Variants in SWAP70 observed in about 807,000 individuals in gnomAD.
SWAP70 encodes switch-associated protein 70.
SWAP70 carries 34 observed loss-of-function variants against 80.2 expected under a neutral mutation model. The observed-to-expected ratio is 0.42, with a 90% CI of 0.32 to 0.56. SWAP70 has a LOEUF of 0.56. SWAP70 is among the 20% of genes least tolerant of loss of function. The pLI is 0.09. For synonymous variants in SWAP70, 239 were observed against 238.5 expected, an observed-to-expected ratio of 1.00 and a Z score of -0.02; for missense variants, 578 against 690.7, an observed-to-expected ratio of 0.84 and a Z score of 1.83.
intron 1 of SWAP70, among the ~76,000 whole-genome samples, chr11:9,670,974 C>G (rs1024729070): frequency 6.7e-6 from 1 of 150,162 alleles, no homozygotes; most frequent in East Asian, 1.9e-4. Context: ...AGGCTGGTCT[C>G]GAACTCCTGA....
At chr11:9,690,541 G>A (rs1850685581) in intron 1 of SWAP70, among the ~76,000 whole-genome samples, 1 of 152,056 alleles carries the variant, frequency 6.6e-6, no homozygotes, top group Non-Finnish European at 1.5e-5. Flanking sequence ...TTGCACTCCA[G>A]CCTGGGTGAC....
chr11:9,726,570 A>C (rs1415758024), intron 4 of SWAP70, among the ~76,000 whole-genome samples: 2 of 152,194 alleles, frequency 1.3e-5, no homozygotes, highest in African/African-American at 4.8e-5. Context: ...CTTTTGCTTA[A>C]ATGTCCAAAG....
intron 9 of SWAP70, among the ~76,000 whole-genome samples, chr11:9,744,517 C>T (rs911828992): frequency 6.6e-6 from 1 of 152,290 alleles, no homozygotes; most frequent in African/African-American, 2.4e-5. Flanking sequence ...GTCACCCTTT[C>T]TGCTATGAAG....
intron 6 of SWAP70, among the ~76,000 whole-genome samples, chr11:9,731,051 T>C (rs1178929798): frequency 1.3e-5 from 2 of 152,228 alleles, no homozygotes; most frequent in African/African-American, 4.8e-5. Context: ...CTGTTCTGCG[T>C]TAATTTGCTT....
intron 1 of SWAP70, among the ~76,000 whole-genome samples, chr11:9,679,577 TTAG>T (rs1565113187): frequency 6.6e-6 from 1 of 152,192 alleles, no homozygotes; most frequent in African/African-American, 2.4e-5. Context: ...CAGCAGACAA[TTAG>T]TAGATCAGAC....
intron 2 of SWAP70, among the ~76,000 whole-genome samples, chr11:9,711,896 C>CA (rs532565474): frequency 1.3e-3 from 199 of 152,266 alleles, no homozygotes; most frequent in African/African-American, 4.3e-3. Flanking sequence ...TTAGTTATAC[C>CA]ACCCTCCAGC....
chr11:9,699,008 GA>G (rs1412647693), intron 2 of SWAP70, among the ~76,000 whole-genome samples: 1 of 144,768 alleles, frequency 6.9e-6, no homozygotes, highest in African/African-American at 2.8e-5. Flanking sequence ...CTTTAATTCG[GA>G]AAAAAAGGAA....
At chr11:9,710,544 T>C (rs555092614) in intron 2 of SWAP70, among the ~76,000 whole-genome samples, 1 of 152,184 alleles carries the variant, frequency 6.6e-6, no homozygotes, top group East Asian at 1.9e-4. Flanking sequence ...TTTTTTCATA[T>C]AGTGAAAAAA....
rs1176539056 is a variant in SWAP70, at chr11:9,671,674, A to AC, written c.99+7396_99+7397insC. Among the ~76,000 whole-genome samples the AC allele has an allele frequency of 2.9e-4, 32 of 110,364 alleles. 2 individuals are homozygous for AC. The highest frequency in any genetic ancestry group is 4.3e-4 in the Non-Finnish European group (26 of 59,978). 72.4% of individuals were successfully genotyped at this position (110,364 alleles called of 152,430 possible). ...AATATATTTCTATATAAATATATAT[A>AC]AATAGAAATATATAAATATATTTCT... is the stretch of plus-strand genomic sequence containing the variant. On this transcript the variant is annotated intron_variant, in intron 1 of 11. Transcript: ENST00000318950.
At chr11:9,677,390 A>G (rs1590012167) in intron 1 of SWAP70, among the ~76,000 whole-genome samples, 1 of 152,280 alleles carries the variant, frequency 6.6e-6, no homozygotes, top group Middle Eastern at 3.4e-3. Context: ...AGCTTTTTTA[A>G]TATCTCATAT....
At chr11:9,737,354 C>A (rs1324275443) in intron 7 of SWAP70, among the ~76,000 whole-genome samples, 1 of 152,150 alleles carries the variant, frequency 6.6e-6, no homozygotes, top group Non-Finnish European at 1.5e-5. Context: ...CCTCACGATT[C>A]TTACTGAGAG....
chr11:9,725,557 A>T (rs1564829493), intron 4 of SWAP70, among the ~76,000 whole-genome samples: 2 of 10,278 alleles, frequency 1.9e-4, no homozygotes, highest in African/African-American at 6.4e-4. Flanking sequence ...ATATATATAT[A>T]TATATATATA....
rs1041152247 is a variant in SWAP70 at position 9,672,090 on chromosome 11, TA to T, written c.99+7815del. ...TAAAATATATAATTAAATAATAATT[TA>T]AATATAATTATAATATAATATAATT... On this transcript the variant is annotated intron_variant, in intron 1 of 11. Transcript: ENST00000318950. 6.8e-3 allele frequency among the ~76,000 whole-genome samples: 870 copies of T among 128,878 alleles called. 4 individuals are homozygous for T. The highest frequency in any genetic ancestry group is 0.038 in the Middle Eastern group (8 of 210). The allele number at this position is 128,878 out of a possible 152,430, so 84.5% of individuals were successfully genotyped here.
chr11:9,748,015 C>G lies in SWAP70; in HGVS notation c.1513C>G (p.Gln505Glu), dbSNP rs415895. 1,024,304 of 1,613,856 alleles carry G rather than the reference C, an allele frequency of 0.63. 328,350 individuals carry two copies. The highest frequency in any genetic ancestry group is 0.73 in the Middle Eastern group (4,411 of 6,062). Residue 505 changes from glutamine to glutamate, a missense_variant, in exon 10 of 12, where the codon CAG (glutamine) becomes GAG (glutamate). Gln to Glu is a conservative substitution (Grantham distance 29). Transcript: ENST00000318950. ...GCAGGAGGCCATGGAGCAGCTGGAG[C>G]AGCTTGAGTTAGAACGGAAGCAAGC... The part of the protein sequence containing the change: ...ALQEAMEQLE[Q>E]LELERKQALE...
At position 9,678,082 on chromosome 11, in the gene SWAP70, C is replaced by T. The variant is rs542301483; in HGVS notation, c.99+13804C>T. On this transcript the variant is annotated intron_variant, in intron 1 of 11. Coordinates refer to ENST00000318950, the MANE Select transcript of SWAP70 (RefSeq NM_015055.4). ...TGAGACAGGGTTTTTATTTGTGGAA[C>T]ACAATATACAAATGTAGTTAATTCT... 2.5e-3 allele frequency among the ~76,000 whole-genome samples: 377 copies of T among 152,266 alleles called. 1 individual carries two copies. Among genetic ancestry groups the T allele is most frequent in the African/African-American group, 8.7e-3 (361 of 41,560 alleles).
At chr11:9,683,149 C>T (rs1850588850) in intron 1 of SWAP70, among the ~76,000 whole-genome samples, 1 of 152,148 alleles carries the variant, frequency 6.6e-6, no homozygotes, top group South Asian at 2.1e-4. Flanking sequence ...CCTGTAATTC[C>T]AGCACTTGTG....
At chr11:9,689,836 T>C (rs1291504861) in intron 1 of SWAP70, among the ~76,000 whole-genome samples, 3 of 152,210 alleles carry the variant, frequency 2.0e-5, no homozygotes, top group African/African-American at 7.2e-5. Flanking sequence ...TTGGCTCTGC[T>C]GAATAGTGCC....
chr11:9,720,101 A>G (rs1851116019), intron 3 of SWAP70: 2 of 985,410 alleles, frequency 2.0e-6, no homozygotes, highest in African/African-American at 1.7e-5. Context: ...TAAAACGGCA[A>G]CACATGATTT....
chr11:9,677,621 G>T (rs1850517631), intron 1 of SWAP70, among the ~76,000 whole-genome samples: 1 of 151,984 alleles, frequency 6.6e-6, no homozygotes, highest in Non-Finnish European at 1.5e-5. Flanking sequence ...GATATTTTTT[G>T]CAACCTCTGT....
Sources: gnomAD v4.1 joint callset for allele counts (sites outside exome capture counted in the v4.1 genomes callset) on GRCh38, gnomAD v4.1.1 for gene constraint, MANE v1.5 for transcripts, NCBI Gene and HGNC (gene_info 2026-07-23, HGNC 2026-07-21) for gene names.